Variants in LRP1B observed in about 807,000 individuals in gnomAD.
LRP1B encodes the protein LDL receptor related protein 1B.
A neutral mutation model predicts 556.6 loss-of-function variants in LRP1B; 217 were observed. That is an observed-to-expected ratio of 0.39 (90% CI 0.35 to 0.44). The LOEUF is 0.44. Ranked by LOEUF, LRP1B falls within the 20% of genes least tolerant of loss-of-function variation. LRP1B has a pLI of 1.00. For synonymous variants in LRP1B, 2,047 were observed against 1,865.8 expected, an observed-to-expected ratio of 1.10 and a Z score of -2.50; for missense variants, 5,053 against 5,620.8, an observed-to-expected ratio of 0.90 and a Z score of 3.23.
At chr2:140,476,323 ATTCT>A (rs932456347) in intron 59 of LRP1B, among the ~76,000 whole-genome samples, 7 of 151,934 alleles carry the variant, frequency 4.6e-5, no homozygotes, top group African/African-American at 1.7e-4. Context: ...TCTCTATTTC[ATTCT>A]TTCTTTTTGC....
chr2:142,069,883 C>T (rs995198197), intron 1 of LRP1B, among the ~76,000 whole-genome samples: 6 of 151,644 alleles, frequency 4.0e-5, no homozygotes, highest in Non-Finnish European at 7.4e-5. Context: ...CTTTACAGAG[C>T]TTTATAAAAC....
chr2:140,247,802 T>C (rs1277610507), intron 86 of LRP1B, among the ~76,000 whole-genome samples: 1 of 151,604 alleles, frequency 6.6e-6, no homozygotes. Flanking sequence ...GAATAATAGA[T>C]CTGATTAAAA....
intron 1 of LRP1B, among the ~76,000 whole-genome samples, chr2:142,098,991 A>G (rs1224428010): frequency 1.3e-5 from 2 of 151,860 alleles, no homozygotes; most frequent in Non-Finnish European, 2.9e-5. Context: ...GACTCTTGAC[A>G]GTATCAATGA....
intron 3 of LRP1B, among the ~76,000 whole-genome samples, chr2:141,267,227 G>T (rs981445590): frequency 6.6e-6 from 1 of 152,146 alleles, no homozygotes; most frequent in African/African-American, 2.4e-5. Context: ...GTAGCTCAAA[G>T]TGTGCTCCAG....
chr2:140,978,410 C>T (rs1233385667), intron 18 of LRP1B, among the ~76,000 whole-genome samples: 4 of 152,128 alleles, frequency 2.6e-5, no homozygotes, highest in South Asian at 4.1e-4. Context: ...GTTCATGAAG[C>T]TGAAATGTAA....
At chr2:141,888,321 T>C (rs1699185426) in intron 1 of LRP1B, among the ~76,000 whole-genome samples, 1 of 152,204 alleles carries the variant, frequency 6.6e-6, no homozygotes, top group Non-Finnish European at 1.5e-5. Flanking sequence ...CAGTTCAATA[T>C]GTGACCTGAG....
intron 2 of LRP1B, among the ~76,000 whole-genome samples, chr2:141,773,655 G>A (rs1694969149): frequency 6.6e-6 from 1 of 152,206 alleles, no homozygotes; most frequent in Admixed American, 6.5e-5. Flanking sequence ...ACTCCCAAAA[G>A]CACAGGTCTG....
intron 1 of LRP1B, among the ~76,000 whole-genome samples, chr2:141,906,692 A>C (rs971593018): frequency 5.9e-5 from 9 of 152,022 alleles, no homozygotes; most frequent in Non-Finnish European, 1.0e-4. Context: ...TTTTCTCCTT[A>C]AGTGAAACAG....
chr2:141,801,253 A>T (rs1451770351), intron 2 of LRP1B, among the ~76,000 whole-genome samples: 2 of 152,136 alleles, frequency 1.3e-5, no homozygotes. Context: ...TACTTAGGTC[A>T]AGTATACAAG....
In LRP1B at chr2:140,232,279, T is replaced by C. The variant is rs1680508175; in HGVS notation, c.*907A>G. On this transcript the variant is annotated 3_prime_UTR_variant, in exon 91 of 91. Coordinates refer to ENST00000389484, the MANE Select transcript of LRP1B (RefSeq NM_018557.3). ...ACCAATTTGTGTGCTTATATATTAT[T>C]CTTTAGTGTTCAGTGTAGTGTAAGG... The C allele has an allele frequency of 6.6e-6, 1 of 151,304 alleles. No individual in the cohort carries two copies. Among genetic ancestry groups the C allele is most frequent in the South Asian group, 2.1e-4 (1 of 4,824 alleles). 9.4% of individuals were successfully genotyped at this position (151,304 alleles called of 1,614,324 possible). A position where few individuals can be genotyped will look rare whatever the true frequency, so the allele number is the denominator to read the frequency against.
In LRP1B at chr2:141,080,668, C is replaced by T. The variant is rs141158328; in HGVS notation, c.1014-18395G>A. 4.4e-4 allele frequency among the ~76,000 whole-genome samples: 67 copies of T among 152,190 alleles called. 1 individual carries two copies. The East Asian group carries it at 0.012, about 28-fold the overall frequency. ...AAACGATGGTGCATACAAAAGACAC[C>T]GTCAGATTGACCTGCGTTTTAATTT... On this transcript the variant is annotated intron_variant, in intron 7 of 90. Coordinates refer to ENST00000389484, the MANE Select transcript of LRP1B (RefSeq NM_018557.3).
rs13022705 is a variant in LRP1B at position 141,464,089 on chromosome 2, T to C, written c.343+16307A>G. Among the ~76,000 whole-genome samples the C allele has an allele frequency of 8.4e-3, 1,281 of 151,882 alleles. 5 individuals carry two copies. The highest frequency in any genetic ancestry group is 0.014 in the South Asian group (68 of 4,810). On this transcript the variant is annotated intron_variant, in intron 3 of 90. Transcript: ENST00000389484. The stretch of plus-strand genomic sequence containing the variant: ...GTCCTGGCTGGCGAATCCACACAGG[T>C]CTTCCTAACACTGACTGGTTAGGTG...
intron 35 of LRP1B, among the ~76,000 whole-genome samples, chr2:140,746,241 C>T (rs1324167451): frequency 6.6e-6 from 1 of 152,022 alleles, no homozygotes; most frequent in Non-Finnish European, 1.5e-5. Context: ...CTTTTTCAAT[C>T]CCCCCACATA....
intron 7 of LRP1B, among the ~76,000 whole-genome samples, chr2:141,140,207 A>G (rs10168937): frequency 0.24 from 35,813 of 151,880 alleles, 4,465 homozygotes; most frequent in Middle Eastern, 0.35. Flanking sequence ...ATAGAGCACA[A>G]GGGAACGTTT....
intron 10 of LRP1B, 69 bp downstream of exon 10, chr2:141,055,047 G>A (rs1699138896): frequency 6.5e-7 from 1 of 1,548,438 alleles, no homozygotes; most frequent in Non-Finnish European, 8.8e-7. Context: ...TGTTGATGCT[G>A]CTAATTAATA....
intron 1 of LRP1B, among the ~76,000 whole-genome samples, chr2:141,964,908 A>C (rs1701511650): frequency 6.7e-6 from 1 of 150,342 alleles, no homozygotes; most frequent in Non-Finnish European, 1.5e-5. Flanking sequence ...AGAAAAAAAC[A>C]AACAACCCCA....
chr2:141,137,373 CCAAA>C (rs1043001711), intron 7 of LRP1B, among the ~76,000 whole-genome samples: 2 of 151,722 alleles, frequency 1.3e-5, no homozygotes, highest in African/African-American at 4.8e-5. Context: ...CTTTAAAGAC[CCAAA>C]CAGTTTACCA....
rs1326599092 is a variant in LRP1B, at chr2:140,315,069, C to T, written c.12671G>A (p.Gly4224Glu). The T allele has an allele frequency of 6.2e-7, 1 of 1,610,096 alleles. No individual in the cohort carries two copies. The highest frequency in any genetic ancestry group is 1.1e-5 in the South Asian group (1 of 90,384). Residue 4224 changes from glycine (G) to glutamate (E), a missense_variant, in exon 83 of 91, where the codon GGA (glycine) becomes GAA (glutamate). Transcript: ENST00000389484. ...DDSCKLTCEN[G>E]GRCILNEKGD... is the part of the protein sequence containing the mutation. ...TTTCTCATTTAAAATGCATCTTCCT[C>T]CATTTTCACAAGTTAACTTACATGA...
In LRP1B at chr2:142,031,077, GTT is replaced by G. The variant is rs771265294; in HGVS notation, c.82+99569_82+99570del. The stretch of plus-strand genomic sequence containing the variant: ...TACTCTGAATTATATACTTTTAAGT[GTT>G]TGTCATATGTGTGATTTTTACAAAT... On this transcript the variant is annotated intron_variant, in intron 1 of 90. Transcript: ENST00000389484. Among the ~76,000 whole-genome samples, 5 of 151,908 alleles carry G rather than the reference GTT, an allele frequency of 3.3e-5. No homozygotes were observed. The South Asian group carries it at 1.0e-3, about 31-fold the overall frequency.
Sources: gnomAD v4.1 joint callset for allele counts (sites outside exome capture counted in the v4.1 genomes callset) on GRCh38, gnomAD v4.1.1 for gene constraint, MANE v1.5 for transcripts, NCBI Gene and HGNC (gene_info 2026-07-23, HGNC 2026-07-21) for gene names.